Variants in METTL15 observed in about 807,000 individuals in gnomAD.
METTL15 encodes the protein methyltransferase 15, mitochondrial 12S rRNA N4-cytidine, also known as 12S rRNA N(4)-cytidine methyltransferase METTL15.
In METTL15, 34 loss-of-function variants were observed where a neutral mutation model predicts 38.3. The observed-to-expected ratio is 0.89, with a 90% CI of 0.68 to 1.18. The LOEUF (loss-of-function observed/expected upper bound fraction) is 1.18. Among genes scored for constraint, METTL15 ranks in the 50% most tolerant of loss-of-function variants. The pLI, the probability that METTL15 is intolerant of heterozygous loss-of-function variation, is 0.00. For missense variants in METTL15, 438 were observed against 498.4 expected (o/e 0.88, Z 1.15); for synonymous variants, 162 against 170.9 (o/e 0.95, Z 0.41).
chr11:28,367,641 A>C (rs547465203), intron 5 of METTL15, among the ~76,000 whole-genome samples: 2 of 152,278 alleles, frequency 1.3e-5, no homozygotes, highest in Non-Finnish European at 2.9e-5. Context: ...GCATAGCCAA[A>C]ATAATCCTGG....
At chr11:28,297,454 G>C (rs1309608959) in intron 6 of METTL15, among the ~76,000 whole-genome samples, 2 of 152,000 alleles carry the variant, frequency 1.3e-5, no homozygotes, top group Non-Finnish European at 1.5e-5. Context: ...ACTAACAAAG[G>C]GTATATGATG....
intron 3 of METTL15, among the ~76,000 whole-genome samples, chr11:28,199,747 T>A (rs1282915034): frequency 6.7e-6 from 1 of 148,388 alleles, no homozygotes; most frequent in East Asian, 2.0e-4. Context: ...TAAGTTGACT[T>A]TTTTTTTTTT....
At position 28,180,010 on chromosome 11, in the gene METTL15, T is replaced by C. The variant is rs527685979; in HGVS notation, c.271-31052T>C. On this transcript the variant is annotated intron_variant, in intron 3 of 6. Transcript: ENST00000407364. The stretch of plus-strand genomic sequence containing the variant: ...GATGAATGATGATATTAAGTACCCC[T>C]GAGAAACTCAAATGGTCTAAAGTTG... 1.7e-4 allele frequency among the ~76,000 whole-genome samples: 26 copies of C among 151,854 alleles called. 2 individuals carry two copies. The South Asian group carries it at 5.2e-3, about 30-fold the overall frequency.
intron 4 of METTL15, among the ~76,000 whole-genome samples, chr11:28,222,109 G>C (rs1167582809): frequency 6.6e-6 from 1 of 152,192 alleles, no homozygotes; most frequent in Non-Finnish European, 1.5e-5. Flanking sequence ...AGTCTGCAGA[G>C]GTTTCTGCTG....
intron 6 of METTL15, among the ~76,000 whole-genome samples, chr11:28,320,752 A>G (rs1313229663): frequency 1.3e-5 from 2 of 152,196 alleles, no homozygotes; most frequent in Non-Finnish European, 2.9e-5. Context: ...TTTAAATACA[A>G]CCTGGAAGGT....
At chr11:28,290,646 C>T (rs1296371168) in intron 5 of METTL15, among the ~76,000 whole-genome samples, 1 of 152,086 alleles carries the variant, frequency 6.6e-6, no homozygotes, top group African/African-American at 2.4e-5. Context: ...TACTGATTAT[C>T]TTTTTTACTT....
intron 4 of METTL15, among the ~76,000 whole-genome samples, chr11:28,232,529 ATAAT>A (rs1272317125): frequency 2.6e-5 from 4 of 151,780 alleles, no homozygotes; most frequent in Non-Finnish European, 5.9e-5. Context: ...TTATTAAATA[ATAAT>A]TAAAGATATT....
intron 6 of METTL15, among the ~76,000 whole-genome samples, chr11:28,322,611 C>A (rs1849509218): frequency 6.6e-6 from 1 of 151,852 alleles, no homozygotes; most frequent in African/African-American, 2.4e-5. Flanking sequence ...AATATTGATC[C>A]AAATTTAAGT....
intron 4 of METTL15, among the ~76,000 whole-genome samples, chr11:28,222,597 C>G (rs1853292095): frequency 6.6e-6 from 1 of 152,192 alleles, no homozygotes; most frequent in Non-Finnish European, 1.5e-5. Flanking sequence ...TGAGATGAAC[C>G]TGGTACCTCA....
Position 28,455,777 on chromosome 11 carries a change from G to A in METTL15, c.*424+31413G>A, listed in dbSNP as rs1242539935. Among the ~76,000 whole-genome samples, 3 of 152,156 alleles carry A rather than the reference G, an allele frequency of 2.0e-5. No homozygotes were observed. The East Asian group carries it at 5.8e-4, about 29-fold the overall frequency. ...GCTGGAGTTCACTGGTGCTATCTCG[G>A]CTCACTGCAAGCTCCACCTCCTGGG... On this transcript the variant is annotated intron_variant and NMD_transcript_variant, in intron 6 of 7. Transcript: ENST00000532947.
intron 4 of METTL15, among the ~76,000 whole-genome samples, chr11:28,281,133 A>C (rs993091767): frequency 4.6e-5 from 7 of 152,182 alleles, no homozygotes; most frequent in Non-Finnish European, 1.0e-4. Context: ...ATACCACTTA[A>C]TGTTGCTTTT....
intron 3 of METTL15, among the ~76,000 whole-genome samples, chr11:28,198,810 C>A (rs550027483): frequency 6.6e-6 from 1 of 152,162 alleles, no homozygotes; most frequent in South Asian, 2.1e-4. Context: ...TCAGGTCTAA[C>A]AACTATATCA....
Position 28,181,259 on chromosome 11 carries a change from A to ATTTTTTTTT in METTL15, c.271-29797_271-29789dup, listed in dbSNP as rs71449171. On this transcript the variant is annotated intron_variant, in intron 3 of 6. Coordinates refer to ENST00000407364, the MANE Select transcript of METTL15 (RefSeq NM_001113528.2). ...CGTTTATTTATTTATTTAATTTTTA[A>ATTTTTTTTT]TTTTTTTTTTTTTTGTATTTTAAGT... is the stretch of plus-strand genomic sequence containing the variant. 1.8e-3 allele frequency among the ~76,000 whole-genome samples: 246 copies of ATTTTTTTTT among 133,778 alleles called. 1 individual carries two copies. The highest frequency in any genetic ancestry group is 8.4e-3 in the Middle Eastern group (2 of 238). 87.8% of individuals were successfully genotyped at this position (133,778 alleles called of 152,430 possible).
intron 6 of METTL15, among the ~76,000 whole-genome samples, chr11:28,520,635 G>A (rs1376704292): frequency 6.6e-6 from 1 of 152,148 alleles, no homozygotes; most frequent in Non-Finnish European, 1.5e-5. Context: ...GGATTATCTG[G>A]TAATTAATGG....
At chr11:28,292,460 G>C (rs1437217081) in intron 5 of METTL15, among the ~76,000 whole-genome samples, 1 of 152,006 alleles carries the variant, frequency 6.6e-6, no homozygotes, top group Admixed American at 6.6e-5. Flanking sequence ...GTCTATCATT[G>C]TTGGACATTT....
At chr11:28,471,762 A>C (rs1393266123) in intron 6 of METTL15, among the ~76,000 whole-genome samples, 1 of 152,146 alleles carries the variant, frequency 6.6e-6, no homozygotes, top group East Asian at 1.9e-4. Context: ...TTTAGAAAAA[A>C]AAAAGTTTCC....
rs1210036016 is a variant in METTL15, at chr11:28,236,348, T to C, written c.407+25150T>C. ...AAATGAGTTAGGGAGGATTCCCTCT[T>C]TTTCTATTGATTGGAATAGTTTCAG... On this transcript the variant is annotated intron_variant, in intron 4 of 6. Coordinates refer to ENST00000407364, the MANE Select transcript of METTL15 (RefSeq NM_001113528.2). Among the ~76,000 whole-genome samples, 11 of 152,314 alleles carry C rather than the reference T, an allele frequency of 7.2e-5. No individual in the cohort carries two copies. The East Asian group carries it at 1.7e-3, about 24-fold the overall frequency.
intron 5 of METTL15, among the ~76,000 whole-genome samples, chr11:28,296,462 T>C (rs1010164003): frequency 6.6e-6 from 1 of 152,112 alleles, no homozygotes. Flanking sequence ...TTGAGAAAAA[T>C]ACACAGGAAA....
At chr11:28,458,036 G>A (rs1307100129) in intron 6 of METTL15, among the ~76,000 whole-genome samples, 2 of 152,190 alleles carry the variant, frequency 1.3e-5, no homozygotes, top group African/African-American at 2.4e-5. Context: ...GGGGCAGAAG[G>A]ATATCACCAC....
Sources: allele counts gnomAD v4.1 joint callset (sites outside exome capture counted in the v4.1 genomes callset), GRCh38; gene constraint gnomAD v4.1.1; transcripts MANE v1.5; gene names NCBI Gene and HGNC (gene_info 2026-07-23, HGNC 2026-07-21).